Variants in ENG observed in about 807,000 individuals in gnomAD.
The protein encoded by ENG is endoglin.
Under a neutral mutation model 71.0 loss-of-function variants are expected in ENG, and 17 were observed. The observed-to-expected ratio is 0.24, with a 90% CI of 0.16 to 0.36. The LOEUF (loss-of-function observed/expected upper bound fraction) is 0.36, where lower values mean the gene tolerates loss of function less well. ENG is among the 10% of genes least tolerant of loss of function. ENG has a pLI of 1.00. For synonymous variants in ENG, 360 were observed against 366.9 expected, an observed-to-expected ratio of 0.98 and a Z score of 0.21; for missense variants, 749 against 868.3, an observed-to-expected ratio of 0.86 and a Z score of 1.73.
rs1830292333 is a variant in ENG at position 127,815,749 on chromosome 9, C to T, written c.1910G>A (p.Ser637Asn). The T allele has an allele frequency of 2.6e-6, 4 of 1,550,006 alleles. No homozygotes were observed. The highest frequency in any genetic ancestry group is 2.7e-5 in the African/African-American group (2 of 73,380). Residue 637 changes from serine to asparagine, a missense_variant, in exon 15 of 15, where the codon AGC becomes AAC. Transcript: ENST00000373203. ...CCCGATGCTGTGGTTGGTGCTGCTG[C>T]TCTCCGAGGAGGCCGGGGCAGCCAC... ...VAVAAPASSESSSTNHSIGST... is the reference protein window; with the variant it reads ...VAVAAPASSENSSTNHSIGST...
chr9:127,825,628 C>CGGGG (rs71380097), intron 5 of ENG, 67 bp downstream of exon 5: 14 of 1,080,024 alleles, frequency 1.3e-5, no homozygotes, highest in African/African-American at 9.9e-5. Context: ...GGAGAGGGGG[C>CGGGG]GGGGGGGGTC....
intron 2 of ENG, among the ~76,000 whole-genome samples, chr9:127,834,637 T>G (rs1830853079): frequency 6.6e-6 from 1 of 151,758 alleles, no homozygotes; most frequent in Non-Finnish European, 1.5e-5. Context: ...ACTCCTGACC[T>G]CATGATCCCT....
intron 4 of ENG, among the ~76,000 whole-genome samples, chr9:127,826,170 T>G (rs1391778379): frequency 6.6e-6 from 1 of 152,214 alleles, no homozygotes; most frequent in Non-Finnish European, 1.5e-5. Context: ...ATGTTTATTG[T>G]CACCTCCCTC....
chr9:127,849,905 C>T (rs1831249973), intron 1 of ENG, among the ~76,000 whole-genome samples: 1 of 152,246 alleles, frequency 6.6e-6, no homozygotes, highest in Non-Finnish European at 1.5e-5. Flanking sequence ...AAGAGTATCT[C>T]CTTTGTAGGG....
At position 127,818,698 on chromosome 9, in the gene ENG, G is replaced by T. The variant is rs1399497751; in HGVS notation, c.1428+18C>A. ...CCAGGAGCTGGGAGGCCCGAGGGGT[G>T]ACAGGCATGCCAGGTACCTGCACAA... On this transcript the variant is annotated intron_variant, in intron 11 of 14. Coordinates refer to ENST00000373203, the MANE Select transcript of ENG (RefSeq NM_001114753.3). 4 of 1,612,474 alleles carry T rather than the reference G, an allele frequency of 2.5e-6. No homozygotes were observed. In the Admixed American group the frequency reaches 6.7e-5, roughly 27 times the overall value.
chr9:127,836,325 C>T lies in ENG; in HGVS notation c.220-6498G>A, dbSNP rs148864591. Among the ~76,000 whole-genome samples the T allele has an allele frequency of 4.6e-5, 7 of 152,358 alleles. No homozygotes were observed. Among genetic ancestry groups the T allele is most frequent in the African/African-American group, 1.7e-4 (7 of 41,590 alleles). On this transcript the variant is annotated intron_variant, in intron 2 of 14. Coordinates refer to ENST00000373203, the MANE Select transcript of ENG (RefSeq NM_001114753.3). The surrounding 1 kb of genome is among the most constrained non-coding windows in gnomAD (Gnocchi z 4.0). ...CCCTGAGTGGGTGGGCGGGAGACCG[C>T]GTTTCTATTTTTGTACCAATGTCCC...
intron 3 of ENG, among the ~76,000 whole-genome samples, 176 bp downstream of exon 3, chr9:127,829,511 G>C (rs760487613): frequency 1.3e-5 from 2 of 152,094 alleles, no homozygotes; most frequent in African/African-American, 4.8e-5. Context: ...TGCCCTCTGG[G>C]TTCTCTCTGG....
chr9:127,830,528 T>C (rs1185149880), intron 2 of ENG, among the ~76,000 whole-genome samples: 3 of 151,804 alleles, frequency 2.0e-5, no homozygotes, highest in Non-Finnish European at 2.9e-5. Flanking sequence ...ATGCCTGTAA[T>C]TCCAACTACT....
chr9:127,827,307 T>A (rs575888489), intron 3 of ENG: 112 of 152,616 alleles, frequency 7.3e-4, no homozygotes, highest in Non-Finnish European at 1.0e-3. Flanking sequence ...AAACTAGACA[T>A]GCATCAAGTC....
rs1029569378 is a variant in ENG at position 127,825,809 on chromosome 9, C to T, written c.575G>A (p.Arg192His). The T allele has an allele frequency of 8.1e-6, 13 of 1,596,528 alleles. No homozygotes were observed. The highest frequency in any genetic ancestry group is 3.5e-5 in the Admixed American group (2 of 57,786). ...CMLEASQDMG[R>H]TLEWRPRTPA... ...AGTACGCGGCCGCCACTCGAGCGTG[C>T]GGCCCATGTCCTGGCTGGCTTCCAG... Residue 192 changes from arginine (R) to histidine (H), a missense_variant, in exon 5 of 15, where the codon CGC (arginine) becomes CAC (histidine). Arg to His is a conservative substitution (Grantham distance 29, BLOSUM62 0). Transcript: ENST00000373203.
intron 5 of ENG, 47 bp from the exon 6 acceptor site, chr9:127,825,404 GCGGGGAGCGAGGC>G (rs1830586457): frequency 6.2e-7 from 1 of 1,603,426 alleles, no homozygotes; most frequent in Admixed American, 1.7e-5. Context: ...GACAGGCCAG[GCGGGGAGCGAGGC>G]CTGGCGTCGG....
Position 127,815,533 on chromosome 9 carries a change from C to G in ENG, c.*149G>C, listed in dbSNP as rs143761433. Reference sequence around the variant, plus strand: ...AGCCAGTGGCTGCACTGGCAGCAGGCCTCTGAGAGGGAGGCGGGAAGGGTA... The same window carrying G: ...AGCCAGTGGCTGCACTGGCAGCAGGGCTCTGAGAGGGAGGCGGGAAGGGTA... On this transcript the variant is annotated 3_prime_UTR_variant, in exon 15 of 15. Coordinates refer to ENST00000373203, the MANE Select transcript of ENG (RefSeq NM_001114753.3). The G allele has an allele frequency of 2.6e-4, 374 of 1,411,928 alleles. 1 individual carries two copies. In the African/African-American group the frequency reaches 4.9e-3, roughly 18 times the overall value. 87.5% of individuals were successfully genotyped at this position (1,411,928 alleles called of 1,614,324 possible).
intron 3 of ENG, 63 bp downstream of exon 3, chr9:127,829,624 G>A (rs1564457726): frequency 1.2e-6 from 2 of 1,605,544 alleles, no homozygotes; most frequent in Non-Finnish European, 1.7e-6. Flanking sequence ...GACCCACAGA[G>A]ATGGACAGTA....
At chr9:127,829,476 T>A (rs1156232137) in intron 3 of ENG, among the ~76,000 whole-genome samples, 2 of 152,176 alleles carry the variant, frequency 1.3e-5, no homozygotes, top group Non-Finnish European at 2.9e-5. Flanking sequence ...CACCTCTTGG[T>A]CTAGACTCTT....
At chr9:127,854,149 A>T (rs1829093443) in intron 1 of ENG, 140 bp downstream of exon 1, 2 of 784,048 alleles carry the variant, frequency 2.6e-6, no homozygotes, top group Non-Finnish European at 4.1e-6. Context: ...GCAAACTGGG[A>T]GGGTTGGTGA....
intron 10 of ENG, 121 bp from the exon 11 acceptor site, chr9:127,818,953 T>G: frequency 3.5e-6 from 3 of 850,450 alleles, no homozygotes; most frequent in Non-Finnish European, 5.8e-6. Context: ...TTTTTTTTTT[T>G]TTGAGACGGA....
At chr9:127,818,582 C>T in intron 11 of ENG, 134 bp downstream of exon 11, 2 of 1,369,158 alleles carry the variant, frequency 1.5e-6, no homozygotes, top group Non-Finnish European at 2.1e-6. Flanking sequence ...TCTGTCTCTC[C>T]CTCTCCCGTG....
chr9:127,825,607 T>C, intron 5 of ENG, 88 bp downstream of exon 5: 1 of 1,169,020 alleles, frequency 8.6e-7, no homozygotes, highest in Non-Finnish European at 1.1e-6. Context: ...GGTGGGGCTT[T>C]ATAAGGGACC....
At chr9:127,822,139 C>A (rs964911265) in intron 8 of ENG, among the ~76,000 whole-genome samples, 2 of 152,100 alleles carry the variant, frequency 1.3e-5, no homozygotes, top group African/African-American at 4.8e-5. Context: ...AAAGGGGCAA[C>A]CTTTTTTTCT....
Sources: allele counts gnomAD v4.1 joint callset (sites outside exome capture counted in the v4.1 genomes callset), GRCh38; gene constraint gnomAD v4.1.1; non-coding constraint Gnocchi (gnomAD v3.1); transcripts MANE v1.5; gene names NCBI Gene and HGNC (gene_info 2026-07-23, HGNC 2026-07-21).